Variants in PHKB observed in about 807,000 individuals in gnomAD.
PHKB encodes the protein phosphorylase b kinase regulatory subunit beta.
Under a neutral mutation model 152.1 loss-of-function variants are expected in PHKB, and 122 were observed. The observed-to-expected ratio is 0.80, with a 90% CI of 0.69 to 0.93. The LOEUF (loss-of-function observed/expected upper bound fraction) is 0.93, where lower values mean the gene tolerates loss of function less well. Among genes scored for constraint, PHKB ranks in the 40% least tolerant of loss-of-function variants. PHKB has a pLI of 0.00. For synonymous variants in PHKB, 436 were observed against 464.9 expected, an observed-to-expected ratio of 0.94 and a Z score of 0.80; for missense variants, 1,304 against 1,328.4, an observed-to-expected ratio of 0.98 and a Z score of 0.29.
At chr16:47,644,380 C>A (rs1405786560) in intron 16 of PHKB, among the ~76,000 whole-genome samples, 2 of 152,164 alleles carry the variant, frequency 1.3e-5, no homozygotes, top group African/African-American at 2.4e-5. Context: ...ATTTCCTGAG[C>A]ACCAGCTACA....
At chr16:47,655,422 A>G (rs1417471181) in intron 20 of PHKB, among the ~76,000 whole-genome samples, 1 of 152,146 alleles carries the variant, frequency 6.6e-6, no homozygotes, top group Non-Finnish European at 1.5e-5. Context: ...ACAAATTCTT[A>G]GTTTTGTGAT....
At chr16:47,604,564 C>T (rs1972290813) in intron 13 of PHKB, among the ~76,000 whole-genome samples, 1 of 152,098 alleles carries the variant, frequency 6.6e-6, no homozygotes, top group Admixed American at 6.5e-5. Context: ...ATCAGCTAGG[C>T]TTTGAAGTAC....
chr16:47,620,308 T>C (rs1172662459), intron 14 of PHKB, among the ~76,000 whole-genome samples: 2 of 152,222 alleles, frequency 1.3e-5, no homozygotes, highest in Non-Finnish European at 2.9e-5. Context: ...ATGTTCTGCC[T>C]AGCAAAATGG....
intron 3 of PHKB, among the ~76,000 whole-genome samples, chr16:47,500,415 A>G (rs1970305688): frequency 6.6e-6 from 1 of 152,218 alleles, no homozygotes; most frequent in Non-Finnish European, 1.5e-5. Context: ...TCTTGTCTCT[A>G]GGTTTGTAAA....
chr16:47,542,562 T>C (rs944624927), intron 6 of PHKB, among the ~76,000 whole-genome samples: 4 of 152,232 alleles, frequency 2.6e-5, no homozygotes, highest in Admixed American at 6.5e-5. Context: ...TTGTTAGGGA[T>C]GGCATTGAAT....
chr16:47,502,099 G>A (rs1970333570), intron 3 of PHKB, among the ~76,000 whole-genome samples: 1 of 152,056 alleles, frequency 6.6e-6, no homozygotes, highest in Admixed American at 6.5e-5. Context: ...TGATTTAACT[G>A]GGAGGTAATT....
intron 6 of PHKB, among the ~76,000 whole-genome samples, chr16:47,518,195 A>G (rs1319987692): frequency 2.0e-5 from 3 of 152,178 alleles, no homozygotes; most frequent in African/African-American, 4.8e-5. Context: ...TCTATTTACT[A>G]TAAAATTTAA....
chr16:47,470,446 A>G (rs957419805), intron 1 of PHKB, among the ~76,000 whole-genome samples: 1 of 152,214 alleles, frequency 6.6e-6, no homozygotes, highest in African/African-American at 2.4e-5. Flanking sequence ...CCTTGCCCTC[A>G]TTCCTTAAAC....
At chr16:47,698,208 G>A (rs777936187) in intron 29 of PHKB, among the ~76,000 whole-genome samples, 1 of 151,992 alleles carries the variant, frequency 6.6e-6, no homozygotes, top group Non-Finnish European at 1.5e-5. Context: ...CTAAGTTAAC[G>A]GTTTTATTTA....
intron 1 of PHKB, chr16:47,462,993 A>G (rs1969600630): frequency 6.6e-6 from 1 of 152,622 alleles, no homozygotes; most frequent in Non-Finnish European, 1.5e-5. Context: ...TTTGTGTGAT[A>G]TAGAAATACT....
intron 14 of PHKB, among the ~76,000 whole-genome samples, chr16:47,633,060 G>GA (rs1972854215): frequency 6.6e-6 from 1 of 152,002 alleles, no homozygotes; most frequent in Admixed American, 6.6e-5. Context: ...TCTTTACAAT[G>GA]AAAAAATCTT....
chr16:47,674,442 T>C (rs1439844223), intron 26 of PHKB, among the ~76,000 whole-genome samples: 1 of 152,162 alleles, frequency 6.6e-6, no homozygotes, highest in East Asian at 1.9e-4. Flanking sequence ...TAAGACGCTA[T>C]GAAAAGTTCA....
intron 8 of PHKB, among the ~76,000 whole-genome samples, chr16:47,581,099 C>G (rs1229382756): frequency 1.3e-5 from 2 of 151,888 alleles, no homozygotes; most frequent in Non-Finnish European, 2.9e-5. Flanking sequence ...AAAATTAATC[C>G]TAAGCTACTG....
intron 7 of PHKB, chr16:47,566,183 C>T (rs779226320): frequency 2.0e-4 from 140 of 701,126 alleles, no homozygotes; most frequent in Middle Eastern, 7.7e-4. Context: ...ATGGGCCATC[C>T]CAATACTCAT....
At chr16:47,630,633 C>A (rs1452440250) in intron 14 of PHKB, among the ~76,000 whole-genome samples, 1 of 152,184 alleles carries the variant, frequency 6.6e-6, no homozygotes, top group African/African-American at 2.4e-5. Flanking sequence ...TGTTCCTGCA[C>A]CCATGTGATT....
intron 5 of PHKB, among the ~76,000 whole-genome samples, chr16:47,513,975 A>C (rs1475018265): frequency 6.6e-6 from 1 of 152,186 alleles, no homozygotes; most frequent in African/African-American, 2.4e-5. Flanking sequence ...CCAGAAAGAA[A>C]CATTGTACCC....
intron 14 of PHKB, among the ~76,000 whole-genome samples, chr16:47,628,547 TA>T (rs1266859031): frequency 6.6e-6 from 1 of 151,934 alleles, no homozygotes; most frequent in Non-Finnish European, 1.5e-5. Context: ...AATAAATAAA[TA>T]AAAATAAAAC....
chr16:47,675,292 T>G (rs1362125937), intron 26 of PHKB, among the ~76,000 whole-genome samples: 1 of 152,190 alleles, frequency 6.6e-6, no homozygotes, highest in Non-Finnish European at 1.5e-5. Context: ...TTTGGTGTCC[T>G]CGTTGGATGT....
intron 4 of PHKB, among the ~76,000 whole-genome samples, chr16:47,511,202 C>A (rs965861463): frequency 4.6e-5 from 7 of 152,046 alleles, no homozygotes; most frequent in African/African-American, 1.7e-4. Flanking sequence ...TTAAAATTTG[C>A]GACCCTTAGA....
Sources: allele counts gnomAD v4.1 joint callset (sites outside exome capture counted in the v4.1 genomes callset), GRCh38; gene constraint gnomAD v4.1.1; transcripts MANE v1.5; gene names NCBI Gene and HGNC (gene_info 2026-07-23, HGNC 2026-07-21).